Variants in AOPEP observed in about 807,000 individuals in gnomAD.
AOPEP encodes the protein aminopeptidase O.
A neutral mutation model predicts 98.1 loss-of-function variants in AOPEP; 77 were observed. The ratio of observed to expected loss-of-function variants is 0.78; its 90% CI spans 0.65 to 0.95. AOPEP has a LOEUF of 0.95. AOPEP is among the 40% of genes least tolerant of loss of function. The pLI, the probability that AOPEP is intolerant of heterozygous loss-of-function variation, is 0.00. For synonymous variants in AOPEP, 346 were observed against 365.3 expected, an observed-to-expected ratio of 0.95 and a Z score of 0.60; for missense variants, 1,024 against 1,024.7, an observed-to-expected ratio of 1.00 and a Z score of 0.01.
intron 1 of AOPEP, among the ~76,000 whole-genome samples, chr9:94,758,462 G>A (rs1033915578): frequency 2.6e-5 from 4 of 152,192 alleles, no homozygotes; most frequent in Admixed American, 2.0e-4. Context: ...AACCTAGAAT[G>A]AGATTCTAGA....
At chr9:94,985,658 C>G (rs1450789027) in intron 11 of AOPEP, among the ~76,000 whole-genome samples, 1 of 152,172 alleles carries the variant, frequency 6.6e-6, no homozygotes, top group Non-Finnish European at 1.5e-5. Context: ...ATTATATGAA[C>G]TACGATATGT....
intron 10 of AOPEP, among the ~76,000 whole-genome samples, chr9:94,971,293 C>CA (rs2059520826): frequency 6.6e-6 from 1 of 152,128 alleles, no homozygotes; most frequent in East Asian, 1.9e-4. Context: ...CGTGTTTTGT[C>CA]TAGCAGGCTT....
rs576969215 is a variant in AOPEP at position 94,881,410 on chromosome 9, G to T, written c.1365-42576G>T. On this transcript the variant is annotated intron_variant, in intron 5 of 16. Coordinates refer to ENST00000375315, the MANE Select transcript of AOPEP (RefSeq NM_001193329.3). The stretch of plus-strand genomic sequence containing the variant: ...AGGAAGGCAGACATCTCGGGGAAAA[G>T]AATTTCTTGTTCTAGGATCTATCTC... Among the ~76,000 whole-genome samples the T allele has an allele frequency of 1.1e-4, 16 of 152,236 alleles. 1 individual carries two copies. The highest frequency in any genetic ancestry group is 3.9e-4 in the African/African-American group (16 of 41,540).
At chr9:95,021,585 T>C (rs1381136883) in intron 13 of AOPEP, 1 of 152,286 alleles carries the variant, frequency 6.6e-6, no homozygotes, top group Non-Finnish European at 1.5e-5. Flanking sequence ...TGTACCAGCA[T>C]GCATGTGTAG....
chr9:95,080,276 C>T (rs888505805), intron 14 of AOPEP, among the ~76,000 whole-genome samples: 7 of 152,086 alleles, frequency 4.6e-5, no homozygotes, highest in African/African-American at 1.7e-4. Context: ...GCCTGTAATC[C>T]CAGCACTTTG....
At chr9:95,045,187 C>T (rs888790740) in intron 13 of AOPEP, among the ~76,000 whole-genome samples, 1 of 152,336 alleles carries the variant, frequency 6.6e-6, no homozygotes, top group Non-Finnish European at 1.5e-5. Context: ...CTAGCGTCTG[C>T]GAAATCACTG....
At position 94,996,724 on chromosome 9, in the gene AOPEP, G is replaced by A. The variant is rs548625941; in HGVS notation, c.1978-8434G>A. ...ACATCTGATATTTTTGTGTTTTTCA[G>A]TAGTAACTAATCCCTTTTTGTAAGG... On this transcript the variant is annotated intron_variant, in intron 11 of 16. Transcript: ENST00000375315. Among the ~76,000 whole-genome samples the A allele has an allele frequency of 3.9e-5, 6 of 152,242 alleles. No homozygotes were observed. In the East Asian group the frequency reaches 1.2e-3, roughly 29 times the overall value.
chr9:94,906,571 G>C (rs772700201), intron 5 of AOPEP, among the ~76,000 whole-genome samples: 7 of 151,968 alleles, frequency 4.6e-5, no homozygotes, highest in Admixed American at 6.6e-5. Context: ...AGGATGCTGA[G>C]GTAGGAGGAT....
chr9:94,992,165 C>T (rs7042271), intron 11 of AOPEP, among the ~76,000 whole-genome samples: 8 of 152,218 alleles, frequency 5.3e-5, no homozygotes, highest in Middle Eastern at 6.8e-3. Flanking sequence ...CAACAAGTGT[C>T]TCACAGGTCA....
chr9:94,905,516 A>C (rs1012329332), intron 5 of AOPEP, among the ~76,000 whole-genome samples: 4 of 152,236 alleles, frequency 2.6e-5, no homozygotes, highest in African/African-American at 9.6e-5. Context: ...TTCTAGTTTT[A>C]TCAAAATGGT....
intron 5 of AOPEP, among the ~76,000 whole-genome samples, chr9:94,860,655 A>G (rs979472306): frequency 4.6e-5 from 7 of 152,122 alleles, no homozygotes; most frequent in African/African-American, 1.4e-4. Context: ...ATGATGAGGA[A>G]GAGGGAGATG....
chr9:94,932,267 ATT>A, intron 7 of AOPEP: 1 of 985,372 alleles, frequency 1.0e-6, no homozygotes, highest in Non-Finnish European at 1.2e-6. Context: ...GTGTCTTATT[ATT>A]TTAAAAGACA....
the AOPEP span, among the ~76,000 whole-genome samples, chr9:95,102,902 C>T: frequency 8.5e-5 from 13 of 152,328 alleles, no homozygotes; most frequent in South Asian, 2.1e-4. Flanking sequence ...GGCCTGCAGC[C>T]GGCCTGCAAC....
the AOPEP span, among the ~76,000 whole-genome samples, chr9:95,133,493 G>A: frequency 1.3e-5 from 2 of 152,194 alleles, no homozygotes; most frequent in African/African-American, 4.8e-5. Context: ...CTACAAACTG[G>A]AGACTGAGCA....
intron 5 of AOPEP, among the ~76,000 whole-genome samples, chr9:94,817,063 C>T (rs193209713): frequency 5.5e-4 from 84 of 152,230 alleles, no homozygotes; most frequent in Admixed American, 1.6e-3. Context: ...TGCAGTGGCA[C>T]GATCATGGCT....
intron 5 of AOPEP, among the ~76,000 whole-genome samples, chr9:94,875,598 G>A (rs2046854539): frequency 6.6e-6 from 1 of 152,182 alleles, no homozygotes; most frequent in South Asian, 2.1e-4. Flanking sequence ...GGAGTGGTTG[G>A]CTGAGCCATT....
intron 3 of AOPEP, among the ~76,000 whole-genome samples, chr9:94,789,712 A>G (rs1379515077): frequency 1.3e-5 from 2 of 152,152 alleles, no homozygotes; most frequent in Non-Finnish European, 2.9e-5. Flanking sequence ...TTCTTTCATC[A>G]AGACGTCTGT....
At chr9:94,874,780 A>G (rs2046733091) in intron 5 of AOPEP, among the ~76,000 whole-genome samples, 1 of 152,214 alleles carries the variant, frequency 6.6e-6, no homozygotes, top group Non-Finnish European at 1.5e-5. Flanking sequence ...GGAAATCTCT[A>G]CATATTTTGA....
At chr9:95,004,686 C>A (rs1180155730) in intron 11 of AOPEP, among the ~76,000 whole-genome samples, 1 of 149,336 alleles carries the variant, frequency 6.7e-6, no homozygotes, top group Non-Finnish European at 1.5e-5. Flanking sequence ...GCCGGGAAGC[C>A]GCTCGCAGGG....
Sources: allele counts gnomAD v4.1 joint callset (sites outside exome capture counted in the v4.1 genomes callset), GRCh38; gene constraint gnomAD v4.1.1; transcripts MANE v1.5; gene names NCBI Gene and HGNC (gene_info 2026-07-23, HGNC 2026-07-21).